ZNF266: variants seen among roughly 807,000 people sequenced by gnomAD.
ZNF266 encodes the protein zinc finger protein 1.
ZNF266 carries 16 observed loss-of-function variants against 16.4 expected under a neutral mutation model. The observed-to-expected ratio is 0.98, with a 90% CI of 0.66 to 1.48. The LOEUF is 1.48. Ranked by LOEUF, ZNF266 falls within the 40% of genes most tolerant of loss-of-function variation. ZNF266 has a pLI of 0.00. For synonymous variants in ZNF266, 262 were observed against 237.9 expected (o/e 1.10, Z -0.93); for missense variants, 738 against 689.1 (o/e 1.07, Z -0.79).
rs1306090811 is a variant in ZNF266 at position 9,420,185 on chromosome 19, A to AC, written c.-97dup. 1.3e-5 allele frequency: 2 copies of AC among 152,544 alleles called. No homozygotes were observed. The highest frequency in any genetic ancestry group is 4.8e-5 in the African/African-American group (2 of 41,452). 9.4% of individuals were successfully genotyped at this position (152,544 alleles called of 1,614,324 possible). On this transcript the variant is annotated 5_prime_UTR_variant, in exon 6 of 11. It removes the in-frame stop codon of an upstream open reading frame in the 5' UTR. Transcript: ENST00000592904. ...TTAGGAATCTACACGGACAGAGGTAACCTCCATTCTCTTTATCCAGGGTTA... is the reference window on the plus strand; with the variant it reads ...TTAGGAATCTACACGGACAGAGGTAACCCTCCATTCTCTTTATCCAGGGTTA...
At chr19:9,429,567 C>T (rs1463847077) in intron 5 of ZNF266, among the ~76,000 whole-genome samples, 1 of 152,102 alleles carries the variant, frequency 6.6e-6, no homozygotes, top group Non-Finnish European at 1.5e-5. Flanking sequence ...ACATTGCCTC[C>T]AGCAACACAG....
At chr19:9,430,963 T>C (rs540039795) in intron 5 of ZNF266, among the ~76,000 whole-genome samples, 2 of 152,272 alleles carry the variant, frequency 1.3e-5, no homozygotes, top group South Asian at 2.1e-4. Context: ...CGCGGATCTG[T>C]AAGGAATAAA....
In ZNF266 at chr19:9,415,714, G is replaced by A; in HGVS notation, c.345C>T (p.Thr115=). 2 of 1,613,216 alleles carry A rather than the reference G, an allele frequency of 1.2e-6. No individual in the cohort carries two copies. The highest frequency in any genetic ancestry group is 1.1e-5 in the South Asian group (1 of 91,064). ...QASEWKVQLK[T]KELALQQDVL... is the part of the protein sequence containing the mutation. ...CATCCTGCTGAAGGGCTAACTCTTT[G>A]GTTTTAAGTTGCACTTTCCATTCTG... The change falls in exon 10 of 11, where the codon ACC becomes ACT. Residue 115 remains threonine, a synonymous_variant. Coordinates refer to ENST00000592904, the MANE Select transcript of ZNF266 (RefSeq NM_001370374.1).
At chr19:9,418,931 C>T (rs2069448990) in intron 7 of ZNF266, 2 of 222,386 alleles carry the variant, frequency 9.0e-6, no homozygotes, top group African/African-American at 2.3e-5. Context: ...AGGATACTTT[C>T]ATGTCCCTTA....
At chr19:9,428,727 A>AC (rs1240313005) in intron 5 of ZNF266, among the ~76,000 whole-genome samples, 9 of 151,684 alleles carry the variant, frequency 5.9e-5, no homozygotes, top group African/African-American at 9.7e-5. Context: ...AAAAAAAAAA[A>AC]AAAAAACCCT....
rs772500857 is a variant in ZNF266 at position 9,413,797 on chromosome 19, T to C, written c.1329A>G (p.Gly443=). 3.1e-6 allele frequency: 5 copies of C among 1,614,132 alleles called. No individual in the cohort carries two copies. The South Asian group carries it at 5.5e-5, about 18-fold the overall frequency. The change falls in exon 11 of 11, where the codon GGA becomes GGG. Residue 443 remains glycine, a synonymous_variant. Coordinates refer to ENST00000592904, the MANE Select transcript of ZNF266 (RefSeq NM_001370374.1). ...ATTCCTTACATTCATAGGGCCTCTC[T>C]CCACTGTGAGTTCGTGCATGCTTAG... The part of the protein sequence containing the change: ...DLTKHARTHS[G]ERPYECKECG...
chr19:9,434,430 G>A (rs902274990), intron 3 of ZNF266, among the ~76,000 whole-genome samples, 195 bp from the exon 4 acceptor site: 6 of 151,980 alleles, frequency 3.9e-5, no homozygotes, highest in African/African-American at 7.3e-5. Flanking sequence ...CCATTTACAG[G>A]ATACACCAAT....
At chr19:9,428,513 T>C (rs2071103347) in intron 5 of ZNF266, among the ~76,000 whole-genome samples, 1 of 152,184 alleles carries the variant, frequency 6.6e-6, no homozygotes, top group South Asian at 2.1e-4. Context: ...TTATAAGTGA[T>C]GGGGCTCAGT....
chr19:9,414,724 T>C lies in ZNF266; in HGVS notation c.406-4A>G. 1.3e-6 allele frequency: 2 copies of C among 1,549,042 alleles called. No homozygotes were observed. The highest frequency in any genetic ancestry group is 1.7e-6 in the Non-Finnish European group (2 of 1,144,956). ...CCCCTCCGTTGTGGCTTCCTATCTG[T>C]TGATAAAGGAATGAATGATGATTAA... On this transcript the variant is annotated splice_polypyrimidine_tract_variant and splice_region_variant and intron_variant, in intron 10 of 10. Transcript: ENST00000592904.
chr19:9,424,562 A>G (rs1007394481), intron 5 of ZNF266, among the ~76,000 whole-genome samples: 2 of 152,220 alleles, frequency 1.3e-5, no homozygotes, highest in Admixed American at 1.3e-4. Flanking sequence ...CTACAACCTC[A>G]AGAGCAGTGA....
At chr19:9,416,929 C>A (rs867501481) in intron 9 of ZNF266, among the ~76,000 whole-genome samples, 14 of 152,038 alleles carry the variant, frequency 9.2e-5, no homozygotes, top group African/African-American at 3.4e-4. Context: ...CCTCAGCCTC[C>A]CAAAGTGCTG....
At chr19:9,417,290 T>C (rs918275769) in intron 9 of ZNF266, among the ~76,000 whole-genome samples, 11 of 152,046 alleles carry the variant, frequency 7.2e-5, no homozygotes, top group African/African-American at 2.4e-4. Flanking sequence ...GAGAATTACC[T>C]GAACCCGGGA....
chr19:9,431,800 T>C (rs2071640926), intron 5 of ZNF266, among the ~76,000 whole-genome samples: 1 of 152,250 alleles, frequency 6.6e-6, no homozygotes, highest in East Asian at 1.9e-4. Context: ...CCAAATACTG[T>C]AATATGACCC....
At chr19:9,433,167 G>A (rs2071889895) in intron 5 of ZNF266, among the ~76,000 whole-genome samples, 1 of 152,176 alleles carries the variant, frequency 6.6e-6, no homozygotes, top group South Asian at 2.1e-4. Flanking sequence ...AATCTACAGA[G>A]TGGCCCTACT....
At chr19:9,424,473 AC>A (rs1386768729) in intron 5 of ZNF266, among the ~76,000 whole-genome samples, 2 of 152,154 alleles carry the variant, frequency 1.3e-5, no homozygotes, top group South Asian at 4.1e-4. Context: ...CTGGTACAAA[AC>A]CCGGAGCAGC....
At position 9,414,213 on chromosome 19, in the gene ZNF266, T is replaced by C; in HGVS notation, c.913A>G (p.Asn305Asp). ...NIHMGTHTGD[N>D]PYECKECGKA... Reference sequence around the variant, plus strand: ...CCACACTCCTTACACTCATAGGGATTGTCTCCAGTGTGGGTTCCCATGTGA... The same window carrying C: ...CCACACTCCTTACACTCATAGGGATCGTCTCCAGTGTGGGTTCCCATGTGA... Residue 305 changes from asparagine to aspartate, a missense_variant, in exon 11 of 11, where the codon AAT becomes GAT. Coordinates refer to ENST00000592904, the MANE Select transcript of ZNF266 (RefSeq NM_001370374.1). The C allele has an allele frequency of 6.2e-7, 1 of 1,614,220 alleles. No homozygotes were observed. The highest frequency in any genetic ancestry group is 8.5e-7 in the Non-Finnish European group (1 of 1,180,032).
At chr19:9,418,780 A>G (rs1307143811) in intron 7 of ZNF266, 149 bp from the exon 8 acceptor site, 4 of 551,294 alleles carry the variant, frequency 7.3e-6, no homozygotes, top group Non-Finnish European at 1.3e-5. Flanking sequence ...AGTCCCCTCC[A>G]GTGACACGGC....
Position 9,413,421 on chromosome 19 carries a change from T to C in ZNF266, c.1705A>G (p.Ser569Gly). 1 of 1,613,722 alleles carries C rather than the reference T, an allele frequency of 6.2e-7. No homozygotes were observed. The highest frequency in any genetic ancestry group is 8.5e-7 in the Non-Finnish European group (1 of 1,179,930). The change falls in exon 11 of 11, where the codon AGT (serine) becomes GGT (glycine). Residue 569 changes from serine to glycine, a missense_variant. Coordinates refer to ENST00000592904, the MANE Select transcript of ZNF266 (RefSeq NM_001370374.1). ...YKCKQCGKSF[S>G]YSNSFQLHER... The stretch of plus-strand genomic sequence containing the variant: ...TGTAACTGAAACGAATTGGAGTAAC[T>C]GAAGGATTTCCCACACTGTTTACAT...
At chr19:9,418,887 A>G in intron 7 of ZNF266, 1 of 292,096 alleles carries the variant, frequency 3.4e-6, no homozygotes, top group South Asian at 5.6e-5. Flanking sequence ...AGCAGATGCT[A>G]GATAAACACT....
Sources: gnomAD v4.1 joint callset for allele counts (sites outside exome capture counted in the v4.1 genomes callset) on GRCh38, gnomAD v4.1.1 for gene constraint, MANE v1.5 for transcripts, NCBI Gene and HGNC (gene_info 2026-07-23, HGNC 2026-07-21) for gene names.